Variants in CEP63 observed in about 807,000 individuals in gnomAD.
CEP63 encodes the protein centrosomal protein of 63 kDa.
A neutral mutation model predicts 89.1 loss-of-function variants in CEP63; 84 were observed. The observed-to-expected ratio is 0.94, with a 90% CI of 0.79 to 1.13. The LOEUF is 1.13. Ranked by LOEUF, CEP63 falls within the 50% of genes most tolerant of loss-of-function variation. The pLI, the probability that CEP63 is intolerant of heterozygous loss-of-function variation, is 0.00. For missense variants in CEP63, 838 were observed against 813.3 expected (o/e 1.03, Z -0.37); for synonymous variants, 267 against 272.5 (o/e 0.98, Z 0.20).
At position 134,573,803 on chromosome 3, in the gene CEP63, AT is replaced by A. The variant is rs919551178; in HGVS notation, c.1330-982del. ...AACTTACCCAAGCAAGGTAATATTA[AT>A]TTTTTTTATTCATGACATACTTTTT... is the stretch of plus-strand genomic sequence containing the variant. On this transcript the variant is annotated intron_variant, in intron 11 of 11. Coordinates refer to the CEP63 transcript ENST00000354446. Among the ~76,000 whole-genome samples, 6 of 151,970 alleles carry A rather than the reference AT, an allele frequency of 3.9e-5. 1 individual carries two copies. In the South Asian group the frequency reaches 1.2e-3, roughly 32 times the overall value.
chr3:134,599,713 A>G, the CEP63 span, among the ~76,000 whole-genome samples: 3 of 152,356 alleles, frequency 2.0e-5, 1 homozygote, highest in South Asian at 6.2e-4. Flanking sequence ...CATGTGAACC[A>G]TAGAGTGGCT....
chr3:134,629,783 A>ATTAGTT, the CEP63 span: 2 of 813,912 alleles, frequency 2.5e-6, no homozygotes, highest in South Asian at 3.0e-5. Context: ...TAAAAAAACA[A>ATTAGTT]TTAGTTTTAG....
chr3:134,544,124 A>G (rs552176379), intron 6 of CEP63, among the ~76,000 whole-genome samples: 1 of 152,202 alleles, frequency 6.6e-6, no homozygotes, highest in Non-Finnish European at 1.5e-5. Context: ...TTGGACCTGT[A>G]CTGTAAATAA....
chr3:134,772,430 G>A, the CEP63 span, among the ~76,000 whole-genome samples: 1 of 152,140 alleles, frequency 6.6e-6, no homozygotes, highest in African/African-American at 2.4e-5. Context: ...TTGTACAGGT[G>A]CCAGTCACTT....
the CEP63 span, chr3:134,651,372 C>T: frequency 6.2e-6 from 7 of 1,124,974 alleles, no homozygotes; most frequent in Non-Finnish European, 6.6e-6. Flanking sequence ...CCGGAGGGTT[C>T]TCGAGAGGGC....
At chr3:134,565,223 T>C (rs1446105713), downstream of CEP63, among the ~76,000 whole-genome samples, 1 of 152,216 alleles carries the variant, frequency 6.6e-6, no homozygotes, top group Non-Finnish European at 1.5e-5. Flanking sequence ...AGATTTTAGC[T>C]GAAGAGGGCA....
chr3:134,583,522 C>G (rs1958411833), intron 10 of CEP63, among the ~76,000 whole-genome samples: 1 of 152,082 alleles, frequency 6.6e-6, no homozygotes, highest in Non-Finnish European at 1.5e-5. Flanking sequence ...GGGCTCTGTT[C>G]TGTTCCATTG....
chr3:134,751,088 A>C, the CEP63 span, among the ~76,000 whole-genome samples: 1 of 152,248 alleles, frequency 6.6e-6, no homozygotes, highest in African/African-American at 2.4e-5. Context: ...AATATGTGAC[A>C]TTTCATGTAA....
intron 10 of CEP63, among the ~76,000 whole-genome samples, chr3:134,586,686 G>A (rs1007124497): frequency 2.6e-5 from 4 of 152,054 alleles, no homozygotes; most frequent in South Asian, 2.1e-4. Flanking sequence ...TGCTCTTCTC[G>A]AGGAGTATCT....
the CEP63 span, chr3:134,625,261 A>G: frequency 2.6e-6 from 2 of 762,370 alleles, no homozygotes; most frequent in Non-Finnish European, 4.5e-6. Flanking sequence ...AAAGCCTGAA[A>G]CATTGAGCCT....
intron 8 of CEP63, among the ~76,000 whole-genome samples, chr3:134,546,870 A>C (rs947666971): frequency 1.3e-5 from 2 of 152,198 alleles, no homozygotes; most frequent in South Asian, 2.1e-4. Context: ...TGAAAATCCA[A>C]ATGTGCAGGG....
At chr3:134,726,503 C>T in the CEP63 span, among the ~76,000 whole-genome samples, 1 of 151,460 alleles carries the variant, frequency 6.6e-6, no homozygotes, top group African/African-American at 2.4e-5. Flanking sequence ...CACACACACA[C>T]ACAGAGCAAG....
the CEP63 span, among the ~76,000 whole-genome samples, chr3:134,598,558 C>T: frequency 6.6e-6 from 1 of 152,130 alleles, no homozygotes; most frequent in East Asian, 1.9e-4. Context: ...CTTCATCTCC[C>T]CATGGAAAGT....
chr3:134,647,613 G>A, the CEP63 span: 1 of 614,654 alleles, frequency 1.6e-6, no homozygotes, highest in Non-Finnish European at 2.9e-6. Flanking sequence ...CTTGGAATCT[G>A]AGAGAGGCTA....
At chr3:134,556,869 G>A (rs553137582) in intron 12 of CEP63, among the ~76,000 whole-genome samples, 12 of 152,216 alleles carry the variant, frequency 7.9e-5, no homozygotes, top group South Asian at 4.1e-4. Context: ...AAACATACCT[G>A]AATGAAGGTA....
chr3:134,650,788 C>T, the CEP63 span: 3 of 1,531,848 alleles, frequency 2.0e-6, no homozygotes, highest in South Asian at 3.8e-5. Flanking sequence ...GGCCAAGGTG[C>T]CGGGGGACCC....
At chr3:134,632,573 A>G in the CEP63 span, among the ~76,000 whole-genome samples, 1 of 152,064 alleles carries the variant, frequency 6.6e-6, no homozygotes, top group Non-Finnish European at 1.5e-5. Context: ...ATGAAAATAA[A>G]ACATATCAAA....
At chr3:134,539,284 TGTATA>T (rs965171397) in intron 6 of CEP63, among the ~76,000 whole-genome samples, 12 of 152,174 alleles carry the variant, frequency 7.9e-5, no homozygotes, top group African/African-American at 2.2e-4. Flanking sequence ...CATTTTTAAA[TGTATA>T]GTATAGTAAT....
At chr3:134,723,517 A>T in the CEP63 span, among the ~76,000 whole-genome samples, 1 of 152,232 alleles carries the variant, frequency 6.6e-6, no homozygotes, top group African/African-American at 2.4e-5. Flanking sequence ...TTTCAAGCCA[A>T]AGAGCTTTGG....
Sources: allele counts gnomAD v4.1 joint callset (sites outside exome capture counted in the v4.1 genomes callset), GRCh38; gene constraint gnomAD v4.1.1; transcripts MANE v1.5; gene names NCBI Gene and HGNC (gene_info 2026-07-23, HGNC 2026-07-21).